PEAK1: variants seen among roughly 807,000 people sequenced by gnomAD.
PEAK1 encodes pseudopodium enriched atypical kinase 1.
In PEAK1, 54 loss-of-function variants were observed where a neutral mutation model predicts 124.7. That is an observed-to-expected ratio of 0.43 (90% CI 0.35 to 0.54). The LOEUF is 0.54. PEAK1 is among the 20% of genes least tolerant of loss of function. The pLI, the probability that PEAK1 is intolerant of heterozygous loss-of-function variation, is 0.01. For missense variants in PEAK1, 2,046 were observed against 2,134.5 expected (o/e 0.96, Z 0.82); for synonymous variants, 719 against 760.0 (o/e 0.95, Z 0.89).
intron 6 of PEAK1, among the ~76,000 whole-genome samples, chr15:77,212,952 A>G (rs1415048574): frequency 2.6e-5 from 4 of 152,200 alleles, no homozygotes; most frequent in Admixed American, 6.5e-5. Context: ...AGCAAAAGTG[A>G]ATTTTTCATT....
intron 2 of PEAK1, chr15:77,350,936 T>G: frequency 1.0e-6 from 1 of 985,342 alleles, no homozygotes; most frequent in Non-Finnish European, 1.2e-6. Flanking sequence ...AATTCACATG[T>G]AAAGCACTCC....
intron 5 of PEAK1, among the ~76,000 whole-genome samples, chr15:77,269,638 G>A (rs2061927228): frequency 6.6e-6 from 1 of 152,010 alleles, no homozygotes; most frequent in South Asian, 2.1e-4. Flanking sequence ...AAGAAACAAT[G>A]GGCTTAATAG....
At position 77,418,940 on chromosome 15, in the gene PEAK1, C is replaced by T. The variant is rs144117599; in HGVS notation, c.-666+1066G>A. The T allele has an allele frequency of 1.2e-5, 12 of 985,344 alleles. No individual in the cohort carries two copies. In the East Asian group the frequency reaches 1.4e-3, roughly 112 times the overall value. The allele number at this position is 985,344 out of a possible 1,614,324, so 61.0% of individuals were successfully genotyped here. A position where few individuals can be genotyped will look rare whatever the true frequency, so the allele number is the denominator to read the frequency against. On this transcript the variant is annotated intron_variant, in intron 1 of 9. Coordinates refer to ENST00000682557, the MANE Select transcript of PEAK1 (RefSeq NM_001385026.1). The stretch of plus-strand genomic sequence containing the variant: ...GCTGTTCACGTACATCATCCAATGA[C>T]CTAAAAATAGTCTTTTATGTAAGTC...
chr15:77,266,049 C>A (rs905294869), intron 5 of PEAK1, among the ~76,000 whole-genome samples: 3 of 150,400 alleles, frequency 2.0e-5, no homozygotes, highest in Admixed American at 1.3e-4. Context: ...GGGAACTGAA[C>A]AATGAGAACA....
intron 5 of PEAK1, among the ~76,000 whole-genome samples, chr15:77,282,103 A>G (rs2062702184): frequency 6.6e-6 from 1 of 152,208 alleles, no homozygotes; most frequent in Non-Finnish European, 1.5e-5. Context: ...GTCAAGAAGG[A>G]AGCTATAAAT....
At chr15:77,245,878 A>G (rs1453195164) in intron 6 of PEAK1, among the ~76,000 whole-genome samples, 1 of 152,206 alleles carries the variant, frequency 6.6e-6, no homozygotes, top group African/African-American at 2.4e-5. Context: ...TTTGATTAGT[A>G]AGTCTTGAAT....
intron 9 of PEAK1, among the ~76,000 whole-genome samples, chr15:77,124,695 C>T (rs1210790621): frequency 1.3e-5 from 2 of 152,188 alleles, no homozygotes; most frequent in Non-Finnish European, 2.9e-5. Flanking sequence ...TAGTTGTCAT[C>T]CAAAATCTTA....
intron 1 of PEAK1, among the ~76,000 whole-genome samples, chr15:77,400,098 CA>C (rs766342278): frequency 2.1e-4 from 32 of 152,134 alleles, no homozygotes; most frequent in Non-Finnish European, 3.8e-4. Context: ...AATGCAAAAT[CA>C]ATCAGATATC....
intron 9 of PEAK1, among the ~76,000 whole-genome samples, chr15:77,130,526 T>C (rs953798088): frequency 5.3e-5 from 8 of 152,206 alleles, no homozygotes; most frequent in African/African-American, 1.9e-4. Context: ...AAGGTCTGTT[T>C]CAAACATACA....
At chr15:77,414,609 G>A (rs1198194260) in intron 1 of PEAK1, among the ~76,000 whole-genome samples, 1 of 152,140 alleles carries the variant, frequency 6.6e-6, no homozygotes, top group African/African-American at 2.4e-5. Flanking sequence ...TCACTTGACA[G>A]GGTGTGTCTG....
intron 7 of PEAK1, among the ~76,000 whole-genome samples, chr15:77,175,783 G>A (rs1048754069): frequency 1.4e-4 from 21 of 152,262 alleles, no homozygotes; most frequent in Admixed American, 2.6e-4. Context: ...AAATCATGCT[G>A]CTATAAAGAC....
chr15:77,345,923 T>C (rs928914951), intron 2 of PEAK1: 7 of 984,818 alleles, frequency 7.1e-6, no homozygotes, highest in African/African-American at 1.7e-5. Flanking sequence ...AGCCTACACA[T>C]ACATATTAAT....
At chr15:77,166,542 T>TG (rs1486761365) in intron 7 of PEAK1, among the ~76,000 whole-genome samples, 1 of 152,160 alleles carries the variant, frequency 6.6e-6, no homozygotes, top group African/African-American at 2.4e-5. Flanking sequence ...CAAAAAAGTC[T>TG]CCAGACATTG....
rs2060395976 is a variant in PEAK1 at position 77,242,359 on chromosome 15, C to T, written c.-115+10008G>A. On this transcript the variant is annotated intron_variant, in intron 6 of 9. Coordinates refer to ENST00000682557, the MANE Select transcript of PEAK1 (RefSeq NM_001385026.1). ...CTTAAAACTTAACTCCTCTGAAAAGCCTTCTCCAATTAGCCTTTTCCCACC... is the reference window on the plus strand; with the variant it reads ...CTTAAAACTTAACTCCTCTGAAAAGTCTTCTCCAATTAGCCTTTTCCCACC... Among the ~76,000 whole-genome samples the T allele has an allele frequency of 1.3e-5, 2 of 152,076 alleles. 1 individual carries two copies. The highest frequency in any genetic ancestry group is 4.1e-4 in the South Asian group (2 of 4,828).
At chr15:77,245,524 C>T (rs2060541711) in intron 6 of PEAK1, among the ~76,000 whole-genome samples, 1 of 151,952 alleles carries the variant, frequency 6.6e-6, no homozygotes, top group Non-Finnish European at 1.5e-5. Flanking sequence ...CATGATGAAA[C>T]CCTGTCTCTA....
chr15:77,299,432 T>C (rs934506398), intron 2 of PEAK1, among the ~76,000 whole-genome samples: 1 of 152,210 alleles, frequency 6.6e-6, no homozygotes, highest in African/African-American at 2.4e-5. Context: ...CAAATAACCA[T>C]AATACGATCA....
chr15:77,346,055 C>T, intron 2 of PEAK1: 1 of 985,372 alleles, frequency 1.0e-6, no homozygotes. Flanking sequence ...ATGCCTGTCC[C>T]TTTCCATAGA....
intron 1 of PEAK1, among the ~76,000 whole-genome samples, chr15:77,388,020 T>C (rs530619076): frequency 9.2e-5 from 14 of 152,236 alleles, no homozygotes; most frequent in Non-Finnish European, 1.8e-4. Context: ...ATACTTAGCA[T>C]GTTCTAAGTA....
At chr15:77,350,310 C>T (rs1429124324) in intron 2 of PEAK1, 1 of 985,242 alleles carries the variant, frequency 1.0e-6, no homozygotes, top group Non-Finnish European at 1.2e-6. Flanking sequence ...GGGTGGGAAT[C>T]CAGCACTCTT....
Sources: allele counts gnomAD v4.1 joint callset (sites outside exome capture counted in the v4.1 genomes callset), GRCh38; gene constraint gnomAD v4.1.1; transcripts MANE v1.5; gene names NCBI Gene and HGNC (gene_info 2026-07-23, HGNC 2026-07-21).